RASEF: variants seen among roughly 807,000 people sequenced by gnomAD.
The protein encoded by RASEF is ras and EF-hand domain-containing protein.
In RASEF, 68 loss-of-function variants were observed where a neutral mutation model predicts 90.1. The observed-to-expected ratio is 0.75, with a 90% CI of 0.62 to 0.92. RASEF has a LOEUF of 0.92. Ranked by LOEUF, RASEF falls within the 40% of genes least tolerant of loss-of-function variation. RASEF has a pLI of 0.00. For synonymous variants in RASEF, 331 were observed against 345.2 expected, an observed-to-expected ratio of 0.96 and a Z score of 0.46; for missense variants, 949 against 937.2, an observed-to-expected ratio of 1.01 and a Z score of -0.16.
intron 14 of RASEF, 54 bp downstream of exon 14, chr9:82,996,958 G>C: frequency 9.9e-7 from 1 of 1,010,030 alleles, no homozygotes; most frequent in Non-Finnish European, 1.6e-6. Context: ...CATTTTCCAA[G>C]ATGGCCTAAA....
the RASEF span, among the ~76,000 whole-genome samples, chr9:83,148,134 G>C: frequency 6.6e-6 from 1 of 152,040 alleles, no homozygotes; most frequent in Non-Finnish European, 1.5e-5. Flanking sequence ...CTGGGGAAGT[G>C]CCCTCTTCTA....
At chr9:82,998,950 GCACA>G (rs1247304137) in intron 12 of RASEF, among the ~76,000 whole-genome samples, 2 of 152,088 alleles carry the variant, frequency 1.3e-5, no homozygotes, top group African/African-American at 4.8e-5. Context: ...ACACGTTAGT[GCACA>G]CACACATTTA....
intron 1 of RASEF, among the ~76,000 whole-genome samples, chr9:83,045,453 A>G (rs1265894162): frequency 1.3e-5 from 2 of 152,212 alleles, no homozygotes; most frequent in Non-Finnish European, 2.9e-5. Context: ...TCATATTTTC[A>G]TTTTAGCCAG....
chr9:82,981,214 T>A lies in RASEF; in HGVS notation c.*1463A>T, dbSNP rs528242853. ...AAGCAAGGTAAATTAGAATCTTTTG[T>A]TGTAGCCCACCCTAGGCTCAAGTGT... On this transcript the variant is annotated 3_prime_UTR_variant, in exon 17 of 17. Coordinates refer to ENST00000376447, the MANE Select transcript of RASEF (RefSeq NM_152573.4). 2 of 152,326 alleles carry A rather than the reference T, an allele frequency of 1.3e-5. No homozygotes were observed. The highest frequency in any genetic ancestry group is 4.1e-4 in the South Asian group (2 of 4,830). The allele number at this position is 152,326 out of a possible 1,614,324, so 9.4% of individuals were successfully genotyped here.
the RASEF span, among the ~76,000 whole-genome samples, chr9:83,108,548 A>G: frequency 6.6e-6 from 1 of 152,288 alleles, no homozygotes; most frequent in African/African-American, 2.4e-5. Context: ...CTCTGAGAGA[A>G]TCCAATGAAG....
rs1374374681 is a variant in RASEF, at chr9:83,009,735, C to G, written c.865G>C (p.Asp289His). The G allele has an allele frequency of 6.2e-7, 1 of 1,611,434 alleles. No individual in the cohort carries two copies. The highest frequency in any genetic ancestry group is 8.5e-7 in the Non-Finnish European group (1 of 1,177,780). Residue 289 changes from aspartate (D) to histidine (H), a missense_variant, in exon 6 of 17, where the codon GAC becomes CAC. Around this residue, in one of 3 missense-constraint regions of RASEF, gnomAD observed 656 missense variants for 592.2 expected, o/e 1.11. Transcript: ENST00000376447. ...LSMENQKVKK[D>H]LLEAQTNIAF... ...ATGTTTGTCTGTGCTTCTAAAAGGTCTTTCTTAACTTTCTGGTTTTCCTGG... is the reference window on the plus strand; with the variant it reads ...ATGTTTGTCTGTGCTTCTAAAAGGTGTTTCTTAACTTTCTGGTTTTCCTGG...
At chr9:83,112,040 T>C in the RASEF span, among the ~76,000 whole-genome samples, 1 of 151,948 alleles carries the variant, frequency 6.6e-6, no homozygotes, top group Admixed American at 6.5e-5. Flanking sequence ...GATAAATAAA[T>C]GTATTAATAA....
the RASEF span, among the ~76,000 whole-genome samples, chr9:83,174,959 T>G: frequency 6.6e-6 from 1 of 152,186 alleles, no homozygotes; most frequent in South Asian, 2.1e-4. Context: ...AATTTTATAT[T>G]GATCTTGTAT....
chr9:83,119,623 A>G, the RASEF span, among the ~76,000 whole-genome samples: 10 of 152,260 alleles, frequency 6.6e-5, no homozygotes, highest in South Asian at 2.1e-3. Flanking sequence ...CACAGACAAC[A>G]GGACAAAATT....
chr9:83,112,865 G>C, the RASEF span, among the ~76,000 whole-genome samples: 1 of 151,996 alleles, frequency 6.6e-6, no homozygotes, highest in African/African-American at 2.4e-5. Context: ...ATAGAGAAAA[G>C]ACAATGGAGA....
intron 7 of RASEF, among the ~76,000 whole-genome samples, chr9:83,006,831 T>C (rs565489143): frequency 6.6e-6 from 1 of 152,216 alleles, no homozygotes; most frequent in Non-Finnish European, 1.5e-5. Context: ...TGGTGGCTCA[T>C]GCCTGTCATC....
intron 2 of RASEF, among the ~76,000 whole-genome samples, chr9:83,024,533 G>A (rs1044854427): frequency 6.6e-6 from 1 of 152,016 alleles, no homozygotes; most frequent in African/African-American, 2.4e-5. Context: ...ACCAACTCTG[G>A]GACTCTGACC....
the RASEF span, among the ~76,000 whole-genome samples, chr9:83,128,925 T>C: frequency 6.6e-6 from 1 of 152,238 alleles, no homozygotes; most frequent in Non-Finnish European, 1.5e-5. Context: ...TCTGCATTAA[T>C]ACACTAGTAA....
intron 14 of RASEF, among the ~76,000 whole-genome samples, chr9:82,994,807 T>C (rs927206270): frequency 1.3e-5 from 2 of 152,236 alleles, no homozygotes; most frequent in Non-Finnish European, 2.9e-5. Flanking sequence ...ACAAGATTTT[T>C]TAACTCAGCA....
chr9:83,019,473 G>A (rs1829403956), intron 3 of RASEF, among the ~76,000 whole-genome samples: 1 of 152,120 alleles, frequency 6.6e-6, no homozygotes, highest in Non-Finnish European at 1.5e-5. Context: ...ATACACTGCT[G>A]ATTGAATCAT....
At chr9:82,982,831 G>T in intron 16 of RASEF, 49 bp from the exon 17 acceptor site, 1 of 1,008,238 alleles carries the variant, frequency 9.9e-7, no homozygotes, top group South Asian at 1.3e-5. Context: ...GAGAGAGAGA[G>T]AGGATTACTG....
chr9:83,012,380 G>A lies in RASEF; in HGVS notation c.843+54C>T, dbSNP rs996870227. On this transcript the variant is annotated intron_variant, in intron 5 of 16. Transcript: ENST00000376447. ...TCCTGGAACACTGAAATAAGAGCAT[G>A]AGGATGTGGTCTAACAGGAAGTGCA... 7 of 901,842 alleles carry A rather than the reference G, an allele frequency of 7.8e-6. No homozygotes were observed. The African/African-American group carries it at 1.0e-4, about 13-fold the overall frequency. The allele number at this position is 901,842 out of a possible 1,614,324, so 55.9% of individuals were successfully genotyped here.
rs149208099 is a variant in RASEF, at chr9:83,032,414, G to A, written c.432-6493C>T. ...ATACCATGCAGATCTGTTTACAGGT[G>A]TACTTGGCAAACACTAGGGAAAGAA... is the stretch of plus-strand genomic sequence containing the variant. On this transcript the variant is annotated intron_variant, in intron 1 of 16. Transcript: ENST00000376447. Among the ~76,000 whole-genome samples, 18 of 152,314 alleles carry A rather than the reference G, an allele frequency of 1.2e-4. 1 individual carries two copies. The highest frequency in any genetic ancestry group is 4.3e-4 in the African/African-American group (18 of 41,572).
At chr9:83,038,941 C>T (rs1392220500) in intron 1 of RASEF, among the ~76,000 whole-genome samples, 2 of 152,146 alleles carry the variant, frequency 1.3e-5, no homozygotes, top group Non-Finnish European at 1.5e-5. Context: ...AGGCTCAATA[C>T]AAAATATGTA....
Sources: gnomAD v4.1 joint callset for allele counts (sites outside exome capture counted in the v4.1 genomes callset) on GRCh38, gnomAD v4.1.1 for gene constraint, gnomAD v4.1.1 regional missense constraint, MANE v1.5 for transcripts, NCBI Gene and HGNC (gene_info 2026-07-23, HGNC 2026-07-21) for gene names.